KCTD1: variants seen among roughly 807,000 people sequenced by gnomAD.
KCTD1 encodes the protein potassium channel tetramerization domain containing 1.
In KCTD1, 24 loss-of-function variants were observed where a neutral mutation model predicts 66.0. The ratio of observed to expected loss-of-function variants is 0.36; its 90% CI spans 0.26 to 0.51. The LOEUF (loss-of-function observed/expected upper bound fraction) is 0.51, where lower values mean the gene tolerates loss of function less well. Among genes scored for constraint, KCTD1 ranks in the 20% least tolerant of loss-of-function variants. The pLI, the probability that KCTD1 is intolerant of heterozygous loss-of-function variation, is 0.95. For missense variants in KCTD1, 943 were observed against 1,205.2 expected (o/e 0.78, Z 3.22); for synonymous variants, 511 against 517.2 (o/e 0.99, Z 0.16).
chr18:26,593,788 TAAGGAG>T (rs1986698975), intron 1 of KCTD1, among the ~76,000 whole-genome samples: 1 of 45,680 alleles, frequency 2.2e-5, no homozygotes, highest in East Asian at 8.2e-4. Context: ...AGGAGGAAGA[TAAGGAG>T]GAGGAGGAAG....
chr18:26,583,934 C>T (rs1203962138), intron 1 of KCTD1, among the ~76,000 whole-genome samples: 14 of 152,198 alleles, frequency 9.2e-5, no homozygotes, highest in Admixed American at 9.2e-4. Flanking sequence ...AAATGAATGT[C>T]AGGCATTTCT....
chr18:26,634,704 T>C (rs1987686412), intron 1 of KCTD1, among the ~76,000 whole-genome samples: 1 of 152,240 alleles, frequency 6.6e-6, no homozygotes, highest in Admixed American at 6.5e-5. Context: ...AGCTCTGTAA[T>C]TGGACTACAT....
intron 1 of KCTD1, among the ~76,000 whole-genome samples, chr18:26,555,274 C>T (rs1026242516): frequency 1.6e-4 from 25 of 152,158 alleles, no homozygotes; most frequent in South Asian, 4.1e-4. Context: ...AATGTTGGTA[C>T]GAAAATGTTA....
At chr18:26,587,023 A>G (rs537661926) in intron 1 of KCTD1, among the ~76,000 whole-genome samples, 1 of 152,238 alleles carries the variant, frequency 6.6e-6, no homozygotes. Flanking sequence ...TGGTTACACT[A>G]AACAGATTTT....
At chr18:26,591,840 T>C (rs570924651) in intron 1 of KCTD1, among the ~76,000 whole-genome samples, 1 of 152,332 alleles carries the variant, frequency 6.6e-6, no homozygotes, top group East Asian at 1.9e-4. Context: ...AAACCAGCCA[T>C]GATTTGGAGT....
intron 1 of KCTD1, among the ~76,000 whole-genome samples, chr18:26,529,348 A>C (rs1052288505): frequency 6.6e-6 from 1 of 151,982 alleles, no homozygotes. Flanking sequence ...TGGCACTTGC[A>C]CCTTGAACTC....
Position 26,455,561 on chromosome 18 carries a change from A to C in KCTD1, c.*182T>G. 7.3e-6 allele frequency: 4 copies of C among 546,276 alleles called. No individual in the cohort carries two copies. Among genetic ancestry groups the C allele is most frequent in the East Asian group, 3.3e-5 (1 of 29,938 alleles). The allele number at this position is 546,276 out of a possible 1,614,324, so 33.8% of individuals were successfully genotyped here. Reference sequence around the variant, plus strand: ...TTTATATATTTTTTACACCTTGAGGATATCACTATTCCAATTGTTCCCATA... The same window carrying C: ...TTTATATATTTTTTACACCTTGAGGCTATCACTATTCCAATTGTTCCCATA... On this transcript the variant is annotated 3_prime_UTR_variant, in exon 5 of 5. Transcript: ENST00000580059.
chr18:26,494,821 A>C (rs1246888197), intron 2 of KCTD1, among the ~76,000 whole-genome samples: 1 of 151,776 alleles, frequency 6.6e-6, no homozygotes, highest in Admixed American at 6.6e-5. Flanking sequence ...TTTTTCAAAG[A>C]TTAACCCATC....
intron 1 of KCTD1, among the ~76,000 whole-genome samples, chr18:26,576,520 C>A (rs900591901): frequency 6.6e-6 from 1 of 152,106 alleles, no homozygotes; most frequent in Non-Finnish European, 1.5e-5. Context: ...TTTAAGCTTT[C>A]AAGAGTTATA....
intron 2 of KCTD1, among the ~76,000 whole-genome samples, chr18:26,483,513 C>A (rs1387721842): frequency 1.3e-5 from 2 of 152,210 alleles, no homozygotes. Flanking sequence ...AGGTAACCTG[C>A]CCACCAAGGC....
chr18:26,587,759 C>A (rs553088981), intron 1 of KCTD1, among the ~76,000 whole-genome samples: 1 of 152,134 alleles, frequency 6.6e-6, no homozygotes, highest in Non-Finnish European at 1.5e-5. Context: ...GAAGTAATTG[C>A]AGATGTAGTG....
chr18:26,560,178 A>T (rs1013698996), intron 1 of KCTD1, among the ~76,000 whole-genome samples: 5 of 151,652 alleles, frequency 3.3e-5, no homozygotes, highest in Non-Finnish European at 7.4e-5. Context: ...AAAATGTGGC[A>T]ATTTTTTTAA....
At chr18:26,649,645 A>T (rs1215292696) in intron 1 of KCTD1, among the ~76,000 whole-genome samples, 1 of 152,070 alleles carries the variant, frequency 6.6e-6, no homozygotes, top group African/African-American at 2.4e-5. Flanking sequence ...AGTAGCTGGG[A>T]CTACAGGCAC....
chr18:26,641,536 T>C (rs1987833689), upstream of KCTD1, among the ~76,000 whole-genome samples: 2 of 152,120 alleles, frequency 1.3e-5, no homozygotes, highest in Non-Finnish European at 2.9e-5. Context: ...TCAGTTTCCT[T>C]TTTTCATTTC....
chr18:26,500,033 G>A (rs112120398), intron 2 of KCTD1, among the ~76,000 whole-genome samples: 2,082 of 152,134 alleles, frequency 0.014, 48 homozygotes, highest in African/African-American at 0.047. Flanking sequence ...TAATCCCAGC[G>A]CTTTGGCCAA....
chr18:26,588,874 C>T (rs555552529), intron 1 of KCTD1, among the ~76,000 whole-genome samples: 23,079 of 151,968 alleles, frequency 0.15, 1,796 homozygotes, highest in East Asian at 0.26. Flanking sequence ...ATGCAAAGCC[C>T]TAATATATAC....
At chr18:26,458,214 T>G (rs1440695213) in intron 4 of KCTD1, 1 of 152,550 alleles carries the variant, frequency 6.6e-6, no homozygotes, top group Admixed American at 6.5e-5. Flanking sequence ...AGCATGTGCC[T>G]TCCGCTAGCA....
intron 1 of KCTD1, among the ~76,000 whole-genome samples, chr18:26,576,257 G>C (rs1443601761): frequency 6.6e-6 from 1 of 152,110 alleles, no homozygotes; most frequent in Non-Finnish European, 1.5e-5. Flanking sequence ...ATTGTTTATC[G>C]CTGTTTCTCC....
chr18:26,656,056 T>TG (rs1052209152), intron 1 of KCTD1, among the ~76,000 whole-genome samples: 9 of 147,986 alleles, frequency 6.1e-5, no homozygotes, highest in Non-Finnish European at 1.2e-4. Flanking sequence ...CGGCGGCAGT[T>TG]GGGGGGGCGG....
Sources: allele counts gnomAD v4.1 joint callset (sites outside exome capture counted in the v4.1 genomes callset), GRCh38; gene constraint gnomAD v4.1.1; transcripts MANE v1.5; gene names NCBI Gene and HGNC (gene_info 2026-07-23, HGNC 2026-07-21).